Variants in SMYD3 observed in about 807,000 individuals in gnomAD.
SMYD3 encodes the protein histone-lysine N-methyltransferase SMYD3.
In SMYD3, 36 loss-of-function variants were observed where a neutral mutation model predicts 57.7. The ratio of observed to expected loss-of-function variants is 0.62; its 90% CI spans 0.48 to 0.82. The LOEUF (loss-of-function observed/expected upper bound fraction) is 0.82, where lower values mean the gene tolerates loss of function less well. Among genes scored for constraint, SMYD3 ranks in the 40% least tolerant of loss-of-function variants. SMYD3 has a pLI of 0.00. For missense variants in SMYD3, 515 were observed against 538.8 expected (o/e 0.96, Z 0.44); for synonymous variants, 211 against 195.0 (o/e 1.08, Z -0.68).
chr1:246,248,634 TC>T (rs66630337), intron 5 of SMYD3, among the ~76,000 whole-genome samples: 15,012 of 122,904 alleles, frequency 0.12, 1,398 homozygotes, highest in African/African-American at 0.23. Flanking sequence ...TCTCTGACTT[TC>T]CTTTTTTTTT....
chr1:246,471,450 GC>G (rs1285363617), intron 1 of SMYD3, among the ~76,000 whole-genome samples: 38 of 152,238 alleles, frequency 2.5e-4, no homozygotes, highest in African/African-American at 9.1e-4. Context: ...CCCATCCTTG[GC>G]CTCCCAAAGT....
rs181895883 is a variant in SMYD3 at position 245,862,561 on chromosome 1, G to A, written c.901+1238C>T. ...CACCTCTATTATCCTCCCCATCTAC[G>A]TCACTTTGGAGATTTGATAAACCTG... On this transcript the variant is annotated intron_variant, in intron 9 of 11. Transcript: ENST00000490107. Among the ~76,000 whole-genome samples, 274 of 151,722 alleles carry A rather than the reference G, an allele frequency of 1.8e-3. 1 individual carries two copies. The highest frequency in any genetic ancestry group is 6.3e-3 in the African/African-American group (258 of 41,260).
chr1:246,228,114 C>A (rs572706317), intron 5 of SMYD3, among the ~76,000 whole-genome samples: 2 of 151,986 alleles, frequency 1.3e-5, no homozygotes, highest in East Asian at 3.9e-4. Context: ...GGATTACAGG[C>A]GCATGCTACC....
chr1:245,933,534 C>A (rs2056841180), intron 5 of SMYD3, among the ~76,000 whole-genome samples: 1 of 152,022 alleles, frequency 6.6e-6, no homozygotes, highest in South Asian at 2.1e-4. Flanking sequence ...GTCATTGAGC[C>A]TCTGTATTTT....
At chr1:246,257,486 A>G (rs1486649591) in intron 5 of SMYD3, among the ~76,000 whole-genome samples, 4 of 151,864 alleles carry the variant, frequency 2.6e-5, no homozygotes. Flanking sequence ...CTTTTTTGTT[A>G]TTCATTACTT....
intron 8 of SMYD3, among the ~76,000 whole-genome samples, chr1:245,875,240 A>G (rs1425461191): frequency 6.6e-6 from 1 of 152,198 alleles, no homozygotes; most frequent in Non-Finnish European, 1.5e-5. Context: ...TAAACCAAGC[A>G]TGCATTACTG....
At chr1:246,426,466 T>C (rs1249378006) in intron 1 of SMYD3, among the ~76,000 whole-genome samples, 1 of 152,206 alleles carries the variant, frequency 6.6e-6, no homozygotes, top group South Asian at 2.1e-4. Context: ...TTTCTGTCTA[T>C]ATAGATTTGC....
chr1:246,489,538 G>T (rs1371540376), intron 1 of SMYD3, among the ~76,000 whole-genome samples: 2 of 152,028 alleles, frequency 1.3e-5, no homozygotes, highest in East Asian at 3.9e-4. Flanking sequence ...GAAAGAAAAA[G>T]GACAGAAAGG....
intron 5 of SMYD3, among the ~76,000 whole-genome samples, chr1:246,143,152 C>CAA (rs2148123012): frequency 6.8e-6 from 1 of 146,880 alleles, no homozygotes; most frequent in Admixed American, 6.7e-5. Flanking sequence ...CACACACACA[C>CAA]ACACACACAC....
intron 5 of SMYD3, among the ~76,000 whole-genome samples, chr1:246,060,582 A>ATTTTTTT (rs1558191811): frequency 1.3e-5 from 2 of 152,176 alleles, no homozygotes; most frequent in South Asian, 2.1e-4. Context: ...CATTTTAATA[A>ATTTTTTT]ATTTTTATGA....
intron 5 of SMYD3, among the ~76,000 whole-genome samples, chr1:246,125,053 C>T (rs559304451): frequency 6.1e-4 from 82 of 133,692 alleles, no homozygotes; most frequent in Non-Finnish European, 1.0e-3. Context: ...GCCTGGGCGA[C>T]AGAGCGAGAC....
intron 9 of SMYD3, among the ~76,000 whole-genome samples, chr1:245,861,675 CTTGG>C (rs992304215): frequency 1.3e-5 from 2 of 152,294 alleles, no homozygotes; most frequent in East Asian, 3.9e-4. Flanking sequence ...TGCCTCTTCT[CTTGG>C]TTGGTCTGGT....
intron 5 of SMYD3, among the ~76,000 whole-genome samples, chr1:246,006,302 A>T (rs1159745639): frequency 3.4e-5 from 1 of 29,508 alleles, no homozygotes; most frequent in African/African-American, 1.3e-4. Flanking sequence ...GGGATGTTGG[A>T]GGGGCTGGGG....
At chr1:246,362,766 C>T (rs1272134993) in intron 1 of SMYD3, among the ~76,000 whole-genome samples, 3 of 152,218 alleles carry the variant, frequency 2.0e-5, no homozygotes, top group Non-Finnish European at 4.4e-5. Flanking sequence ...ACTCAGTGGT[C>T]AATGGTGCCC....
chr1:246,436,856 G>T (rs2067383073), intron 1 of SMYD3, among the ~76,000 whole-genome samples: 1 of 151,562 alleles, frequency 6.6e-6, no homozygotes, highest in Non-Finnish European at 1.5e-5. Context: ...TTCAGTAGAA[G>T]GGAAAAGGAC....
At chr1:246,008,473 C>T (rs1461606318) in intron 5 of SMYD3, among the ~76,000 whole-genome samples, 2 of 152,202 alleles carry the variant, frequency 1.3e-5, no homozygotes, top group East Asian at 1.9e-4. Flanking sequence ...TCCCCTCCCT[C>T]GGCCCATTAA....
At chr1:246,378,755 ATT>A (rs1311903360) in intron 1 of SMYD3, among the ~76,000 whole-genome samples, 6 of 41,174 alleles carry the variant, frequency 1.5e-4, no homozygotes, top group South Asian at 4.8e-4. Flanking sequence ...TATATAATAT[ATT>A]TAATATATTA....
intron 10 of SMYD3, among the ~76,000 whole-genome samples, chr1:245,780,374 A>G (rs1357909734): frequency 2.6e-5 from 4 of 152,230 alleles, no homozygotes; most frequent in Non-Finnish European, 5.9e-5. Context: ...ATGCTACAAC[A>G]TGGATGAACT....
intron 1 of SMYD3, among the ~76,000 whole-genome samples, chr1:246,503,954 T>TAAAAAAAAAA (rs55709330): frequency 7.8e-6 from 1 of 128,396 alleles, no homozygotes; most frequent in East Asian, 2.2e-4. Flanking sequence ...AACTCCATCT[T>TAAAAAAAAAA]AAAAAAAAAA....
Sources: gnomAD v4.1 joint callset for allele counts (sites outside exome capture counted in the v4.1 genomes callset) on GRCh38, gnomAD v4.1.1 for gene constraint, MANE v1.5 for transcripts, NCBI Gene and HGNC (gene_info 2026-07-23, HGNC 2026-07-21) for gene names.